Variants in ADPRHL1 observed in about 807,000 individuals in gnomAD.
ADPRHL1 encodes inactive ADP-ribosyltransferase ARH2.
A neutral mutation model predicts 44.1 loss-of-function variants in ADPRHL1; 43 were observed. The observed-to-expected ratio is 0.98, with a 90% CI of 0.76 to 1.26. The LOEUF (loss-of-function observed/expected upper bound fraction) is 1.26, where lower values mean the gene tolerates loss of function less well. Ranked by LOEUF, ADPRHL1 falls within the 50% of genes most tolerant of loss-of-function variation. ADPRHL1 has a pLI of 0.00. For missense variants in ADPRHL1, 2,022 were observed against 2,496.9 expected, an observed-to-expected ratio of 0.81 and a Z score of 4.05; for synonymous variants, 878 against 1,017.4, an observed-to-expected ratio of 0.86 and a Z score of 2.61.
At chr13:113,411,116 C>T (rs551127692) in intron 7 of ADPRHL1, among the ~76,000 whole-genome samples, 5 of 152,310 alleles carry the variant, frequency 3.3e-5, no homozygotes, top group East Asian at 1.9e-4. Context: ...GACGTCAATC[C>T]GCCCCTTCCC....
chr13:113,440,230 G>A (rs529436057), intron 2 of ADPRHL1, among the ~76,000 whole-genome samples: 4 of 152,106 alleles, frequency 2.6e-5, no homozygotes, highest in African/African-American at 4.8e-5. Flanking sequence ...TCTCTAGTTC[G>A]CTTTGCAGCA....
At position 113,400,629 on chromosome 13, in the gene ADPRHL1, C is replaced by G. The variant is rs2043753873; in HGVS notation, c.*2749G>C. ...AAGTGTGAATACTTCCCCGCGCTAT[C>G]TTCTAACCTGCGCTGTCTCAGCTTA... On this transcript the variant is annotated 3_prime_UTR_variant, in exon 8 of 8. Transcript: ENST00000612156. 6.6e-6 allele frequency: 1 copy of G among 152,258 alleles called. No individual in the cohort carries two copies. Among genetic ancestry groups the G allele is most frequent in the Non-Finnish European group, 1.5e-5 (1 of 68,056 alleles). The allele number at this position is 152,258 out of a possible 1,614,324, so 9.4% of individuals were successfully genotyped here.
At chr13:113,445,564 G>T (rs960785144) in intron 1 of ADPRHL1, among the ~76,000 whole-genome samples, 1 of 152,226 alleles carries the variant, frequency 6.6e-6, no homozygotes, top group Non-Finnish European at 1.5e-5. Flanking sequence ...CCCGGGAGAC[G>T]CCACTGCTCC....
chr13:113,446,360 C>T (rs979860698), intron 1 of ADPRHL1, among the ~76,000 whole-genome samples: 1 of 152,162 alleles, frequency 6.6e-6, no homozygotes, highest in East Asian at 1.9e-4. Flanking sequence ...GGCTGCAAAC[C>T]CCCGGAGAAG....
rs2043959108 is a variant in ADPRHL1 at position 113,425,163 on chromosome 13, C to T, written c.663G>A (p.Trp221Ter). The T allele has an allele frequency of 1.9e-6, 3 of 1,611,178 alleles. No individual in the cohort carries two copies. Among genetic ancestry groups the T allele is most frequent in the South Asian group, 1.1e-5 (1 of 91,058 alleles). The stretch of plus-strand genomic sequence containing the variant: ...ATTGCCATTTAGCTTCAAAGTAAAA[C>T]CAGTGCTCCTGGTATTCTAAACATA... The part of the protein sequence containing the change: ...IRHTAEYQEH[W>*]FYFEAKWQFY... The change falls in exon 5 of 8, where the codon TGG (tryptophan) becomes TGA (stop). Residue 221 changes from tryptophan to a stop codon, truncating the protein, a stop_gained. Transcript: ENST00000612156. LOFTEE classifies it high-confidence loss of function.
intron 7 of ADPRHL1, among the ~76,000 whole-genome samples, chr13:113,410,518 T>C (rs532092516): frequency 1.3e-5 from 2 of 152,324 alleles, no homozygotes; most frequent in South Asian, 4.1e-4. Flanking sequence ...AAGGCCACAG[T>C]GTGCTGCGAG....
chr13:113,453,347 T>G lies in ADPRHL1; in HGVS notation c.91A>C (p.Met31Leu), dbSNP rs766088033. The change falls in exon 1 of 8, where the codon ATG becomes CTG. Residue 31 changes from methionine to leucine, a missense_variant. By Grantham distance (15) the Met-to-Leu change is conservative. Transcript: ENST00000612156. The surrounding 1 kb of genome is among the most constrained non-coding windows in gnomAD (Gnocchi z 5.4). ...CGTTGCAGCTCCTCCTGGATCTTCATGCCTACAGTGCTGTTCTCCTTGCAG... is the reference window on the plus strand; with the variant it reads ...CGTTGCAGCTCCTCCTGGATCTTCAGGCCTACAGTGCTGTTCTCCTTGCAG... ...NVCKENSTVG[M>L]KIQEELQRSG... 6.8e-6 allele frequency: 11 copies of G among 1,614,230 alleles called. No homozygotes were observed. Among genetic ancestry groups the G allele is most frequent in the Non-Finnish European group, 9.3e-6 (11 of 1,180,028 alleles).
At chr13:113,417,630 G>C (rs1247494897) in intron 7 of ADPRHL1, among the ~76,000 whole-genome samples, 1 of 152,228 alleles carries the variant, frequency 6.6e-6, no homozygotes, top group Non-Finnish European at 1.5e-5. Flanking sequence ...TGTGGCACAC[G>C]AATCCCGAGA....
intron 2 of ADPRHL1, among the ~76,000 whole-genome samples, chr13:113,439,039 T>C (rs1450760860): frequency 6.6e-6 from 1 of 152,226 alleles, no homozygotes; most frequent in African/African-American, 2.4e-5. Context: ...GGAAGAGTTA[T>C]GTACAATTTA....
At chr13:113,442,631 TTGAG>T (rs1195360294) in intron 2 of ADPRHL1, among the ~76,000 whole-genome samples, 2 of 152,266 alleles carry the variant, frequency 1.3e-5, no homozygotes, top group East Asian at 1.9e-4. Flanking sequence ...AAGATTCTTC[TTGAG>T]TATTACTTCA....
chr13:113,400,405 A>T lies in ADPRHL1; in HGVS notation c.*2973T>A, dbSNP rs533215686. ...GTGATCTGTCTGCCTCGGCCTCCCA[A>T]AGTGCTGGGATTACAGGCATGAGCC... On this transcript the variant is annotated 3_prime_UTR_variant, in exon 8 of 8. Transcript: ENST00000612156. 1 of 150,950 alleles carries T rather than the reference A, an allele frequency of 6.6e-6. No homozygotes were observed. The highest frequency in any genetic ancestry group is 2.4e-5 in the African/African-American group (1 of 41,098). 9.4% of individuals were successfully genotyped at this position (150,950 alleles called of 1,614,324 possible).
chr13:113,421,067 C>G (rs2043915788), intron 7 of ADPRHL1, among the ~76,000 whole-genome samples: 1 of 143,208 alleles, frequency 7.0e-6, no homozygotes, highest in Non-Finnish European at 1.5e-5. Context: ...ATCCCTACCC[C>G]CAGGACATGC....
intron 2 of ADPRHL1, among the ~76,000 whole-genome samples, chr13:113,440,017 G>C (rs2044086655): frequency 6.6e-6 from 1 of 152,156 alleles, no homozygotes; most frequent in African/African-American, 2.4e-5. Context: ...TTGATCTCCT[G>C]AAAGAACCAG....
rs2044096646 is a variant in ADPRHL1 at position 113,441,283 on chromosome 13, T to C, written c.379+3142A>G. On this transcript the variant is annotated intron_variant, in intron 2 of 7. Transcript: ENST00000612156. The surrounding 1 kb of genome is among the most constrained non-coding windows in gnomAD (Gnocchi z 6.0). ...TTCGCATTTGGCGTCATTATTATTA[T>C]CTTGTTTGTTTTCTACCTGTACTGT... 6.6e-6 allele frequency among the ~76,000 whole-genome samples: 1 copy of C among 152,218 alleles called. No individual in the cohort carries two copies. Among genetic ancestry groups the C allele is most frequent in the African/African-American group, 2.4e-5 (1 of 41,452 alleles).
chr13:113,415,567 A>G (rs1392103084), intron 7 of ADPRHL1, among the ~76,000 whole-genome samples: 3 of 152,178 alleles, frequency 2.0e-5, no homozygotes, highest in African/African-American at 7.2e-5. Context: ...TCTGGCCAAC[A>G]GGGTGAAACC....
intron 2 of ADPRHL1, among the ~76,000 whole-genome samples, chr13:113,436,539 C>T (rs376691725): frequency 1.1e-3 from 1 of 884 alleles, no homozygotes; most frequent in East Asian, 0.028. Context: ...CACCCAGGCG[C>T]AGGGTGAACA....
chr13:113,409,474 G>T lies in ADPRHL1; in HGVS notation c.1062-1254C>A. The stretch of plus-strand genomic sequence containing the variant: ...TTGAAAAATCTAGAGCATCCTCGAT[G>T]TCCAACTCCAGGGCGGCCGCACAAT... On this transcript the variant is annotated intron_variant, in intron 7 of 7. Transcript: ENST00000612156. This position sits in a 1 kb window ranked among gnomAD's most constrained non-coding sequence, Gnocchi z 4.2. 1 of 985,452 alleles carries T rather than the reference G, an allele frequency of 1.0e-6. No homozygotes were observed. Among genetic ancestry groups the T allele is most frequent in the Non-Finnish European group, 1.2e-6 (1 of 829,934 alleles). 61.0% of individuals were successfully genotyped at this position (985,452 alleles called of 1,614,324 possible). A position where few individuals can be genotyped will look rare whatever the true frequency, so the allele number is the denominator to read the frequency against.
At chr13:113,440,176 G>C (rs1325697612) in intron 2 of ADPRHL1, among the ~76,000 whole-genome samples, 3 of 152,168 alleles carry the variant, frequency 2.0e-5, no homozygotes, top group Admixed American at 6.5e-5. Flanking sequence ...AAAGCCAATG[G>C]CTGGAGACCT....
chr13:113,407,291 G>T lies in ADPRHL1; in HGVS notation c.1991C>A (p.Pro664His), dbSNP rs2043816314. Residue 664 changes from proline (P) to histidine (H), a missense_variant, in exon 8 of 8, where the codon CCC (proline) becomes CAC (histidine). By Grantham distance (77) the Pro-to-His change is moderately conservative (BLOSUM62 -2). This residue lies in a region of ADPRHL1 where 1,221 missense variants were observed against 1,517.8 expected (regional missense o/e 0.80). Transcript: ENST00000612156. ...CTTTCCCACTGCTTTGTTCCCACTG[G>T]GCCCCGTCTCCCTGGCACTAGGGGG... ...SVPPSARETGPSGNKAVGKGP... is the reference protein window; with the variant it reads ...SVPPSARETGHSGNKAVGKGP... The T allele has an allele frequency of 1.6e-6, 2 of 1,232,012 alleles. No individual in the cohort carries two copies. The highest frequency in any genetic ancestry group is 6.3e-5 in the East Asian group (2 of 31,704). 76.3% of individuals were successfully genotyped at this position (1,232,012 alleles called of 1,614,324 possible).
Sources: gnomAD v4.1 joint callset for allele counts (sites outside exome capture counted in the v4.1 genomes callset) on GRCh38, gnomAD v4.1.1 for gene constraint, gnomAD v4.1.1 regional missense constraint, Gnocchi (gnomAD v3.1) non-coding constraint, MANE v1.5 for transcripts, NCBI Gene and HGNC (gene_info 2026-07-23, HGNC 2026-07-21) for gene names.